Variants in FGF13 observed in about 807,000 individuals in gnomAD.
The protein encoded by FGF13 is fibroblast growth factor homologous factor 2.
FGF13 carries 2 observed loss-of-function variants against 19.5 expected under a neutral mutation model. The ratio of observed to expected loss-of-function variants is 0.10; its 90% confidence interval spans 0.04 to 0.32. The LOEUF is 0.32. FGF13 is among the 10% of genes least tolerant of loss of function. The probability of loss-of-function intolerance (pLI) is 1.00; values close to 1 mark genes in which losing one functional copy is unlikely to be tolerated. For missense variants in FGF13, 113 were observed against 192.7 expected (o/e 0.59, Z 2.45); for synonymous variants, 72 against 76.9 (o/e 0.94, Z 0.33).
intron 1 of FGF13, among the ~76,000 whole-genome samples, chrX:139,141,237 AACTCC>A (rs1192072799): frequency 2.7e-5 from 3 of 110,482 alleles, no homozygotes; most frequent in Non-Finnish European, 5.7e-5. Context: ...ACTATCTCCA[AACTCC>A]ACTCCACTAG....
intron 3 of FGF13, among the ~76,000 whole-genome samples, chrX:138,752,591 A>G (rs767158906): frequency 8.9e-6 from 1 of 112,262 alleles, no homozygotes; most frequent in East Asian, 2.8e-4. Flanking sequence ...ATAAATATGC[A>G]CACTCAGGCA....
chrX:139,086,515 T>C (rs1406075590), intron 1 of FGF13, among the ~76,000 whole-genome samples: 1 of 111,718 alleles, frequency 9.0e-6, no homozygotes, highest in Non-Finnish European at 1.9e-5. Context: ...GTTAACACTA[T>C]TTTATTATAT....
intron 1 of FGF13, among the ~76,000 whole-genome samples, chrX:139,120,019 T>C (rs762385010): frequency 1.8e-5 from 2 of 111,802 alleles, no homozygotes; most frequent in Non-Finnish European, 3.8e-5. Flanking sequence ...CCCCATGCCG[T>C]TCTCATGATA....
intron 3 of FGF13, among the ~76,000 whole-genome samples, chrX:138,682,917 T>C (rs1602695764): frequency 8.9e-6 from 1 of 111,767 alleles, no homozygotes; most frequent in East Asian, 2.8e-4. Context: ...TTCAGAGGAA[T>C]TGTTAGCAGA....
At chrX:138,961,146 T>A (rs750331431) in intron 1 of FGF13, among the ~76,000 whole-genome samples, 5 of 111,619 alleles carry the variant, frequency 4.5e-5, no homozygotes, top group Non-Finnish European at 9.4e-5. Flanking sequence ...TCTCTGTGGT[T>A]TTATCTACCT....
intron 3 of FGF13, among the ~76,000 whole-genome samples, chrX:138,748,031 A>G (rs1000504691): frequency 3.6e-5 from 4 of 110,964 alleles, no homozygotes; most frequent in Admixed American, 9.6e-5. Flanking sequence ...CTCAAGCCCA[A>G]AGGTTCTCTG....
chrX:139,038,641 A>G (rs1332987024), intron 1 of FGF13, among the ~76,000 whole-genome samples: 1 of 111,788 alleles, frequency 8.9e-6, no homozygotes, highest in Admixed American at 9.5e-5. Flanking sequence ...ATGTTCTTCC[A>G]ATTGCTAGAT....
At chrX:139,169,430 C>A (rs1358210270) in intron 1 of FGF13, among the ~76,000 whole-genome samples, 2 of 110,699 alleles carry the variant, frequency 1.8e-5, no homozygotes, top group East Asian at 5.8e-4. Context: ...GCTCCCCTTG[C>A]TTATCTCTGG....
intron 3 of FGF13, among the ~76,000 whole-genome samples, chrX:138,745,255 G>A (rs2090346742): frequency 8.9e-6 from 1 of 112,085 alleles, no homozygotes; most frequent in African/African-American, 3.2e-5. Flanking sequence ...GTGTGAGTGT[G>A]AATCTTATTA....
intron 1 of FGF13, among the ~76,000 whole-genome samples, chrX:138,709,244 C>G (rs1302095129): frequency 8.9e-6 from 1 of 112,205 alleles, no homozygotes; most frequent in African/African-American, 3.2e-5. Flanking sequence ...AATGGCTATT[C>G]TGCCTTTTGA....
intron 3 of FGF13, among the ~76,000 whole-genome samples, chrX:138,827,478 T>C (rs2091041490): frequency 8.9e-6 from 1 of 112,106 alleles, no homozygotes; most frequent in South Asian, 3.7e-4. Flanking sequence ...TCTCAAATAG[T>C]TTTTACTCTT....
intron 1 of FGF13, among the ~76,000 whole-genome samples, chrX:139,150,034 CTTTACACAAAG>C (rs2083921068): frequency 8.9e-6 from 1 of 111,871 alleles, no homozygotes. Flanking sequence ...CATTCTCCTA[CTTTACACAAAG>C]TTTTTACAGG....
Position 139,055,990 on chromosome X carries a change from C to T in FGF13, c.-113+147426G>A, listed in dbSNP as rs1172194437. On this transcript the variant is annotated intron_variant, in intron 1 of 2. Coordinates refer to the FGF13 transcript ENST00000421460. ...AATTCATGTGCAATTTTTTATAATA[C>T]ATATTTTTCATGAACTTCTTGAAGT... 5.4e-5 allele frequency among the ~76,000 whole-genome samples: 6 copies of T among 112,082 alleles called. No homozygotes were observed. In the South Asian group the frequency reaches 1.1e-3, roughly 21 times the overall value.
At chrX:139,052,028 T>C (rs2092304421) in intron 1 of FGF13, among the ~76,000 whole-genome samples, 1 of 112,357 alleles carries the variant, frequency 8.9e-6, no homozygotes, top group African/African-American at 3.2e-5. Flanking sequence ...ATGTTATATA[T>C]TGGTTTTTGT....
intron 1 of FGF13, among the ~76,000 whole-genome samples, chrX:139,097,839 A>G (rs1569452881): frequency 1.8e-5 from 2 of 112,101 alleles, no homozygotes; most frequent in South Asian, 3.7e-4. Flanking sequence ...ATCATTGACT[A>G]TATAGAATAA....
intron 1 of FGF13, among the ~76,000 whole-genome samples, chrX:138,739,071 G>A (rs1477279641): frequency 1.8e-5 from 2 of 109,832 alleles, no homozygotes; most frequent in African/African-American, 3.3e-5. Context: ...CATTCTTAAC[G>A]TCAAACATCC....
At position 139,194,810 on chromosome X, in the gene FGF13, C is replaced by G. The variant is rs1343257774; in HGVS notation, c.-113+8606G>C. Among the ~76,000 whole-genome samples the G allele has an allele frequency of 1.1e-4, 12 of 111,836 alleles. No homozygotes were observed. The Admixed American group carries it at 1.1e-3, about 10-fold the overall frequency. On this transcript the variant is annotated intron_variant, in intron 1 of 2. Coordinates refer to the FGF13 transcript ENST00000421460. ...CGAGGCCGCGGGCTGCACCGGAGCGCGCAGTATCTTCCCCCGGACTGCGAC... is the reference window on the plus strand; with the variant it reads ...CGAGGCCGCGGGCTGCACCGGAGCGGGCAGTATCTTCCCCCGGACTGCGAC...
At chrX:138,878,379 C>T (rs1211556964) in intron 1 of FGF13, among the ~76,000 whole-genome samples, 1 of 98,077 alleles carries the variant, frequency 1.0e-5, no homozygotes, top group African/African-American at 3.8e-5. Context: ...TCAATTCCCA[C>T]CTATGAGTGA....
intron 3 of FGF13, among the ~76,000 whole-genome samples, chrX:138,850,610 T>A (rs780075915): frequency 8.9e-6 from 1 of 112,191 alleles, no homozygotes; most frequent in African/African-American, 3.2e-5. Context: ...TTTGTGATCC[T>A]TCAGGTCATA....
Sources: allele counts gnomAD v4.1 joint callset (sites outside exome capture counted in the v4.1 genomes callset), GRCh38; gene constraint gnomAD v4.1.1; transcripts MANE v1.5; gene names NCBI Gene and HGNC (gene_info 2026-07-23, HGNC 2026-07-21).